RNF217: variants seen among roughly 807,000 people sequenced by gnomAD.
RNF217 encodes ring finger protein 217.
Under a neutral mutation model 57.8 loss-of-function variants are expected in RNF217, and 31 were observed. The ratio of observed to expected loss-of-function variants is 0.54; its 90% confidence interval spans 0.40 to 0.72. The LOEUF (loss-of-function observed/expected upper bound fraction) is 0.72. RNF217 is among the 30% of genes least tolerant of loss of function. RNF217 has a pLI of 0.00. For synonymous variants in RNF217, 313 were observed against 294.0 expected (o/e 1.06, Z -0.66); for missense variants, 696 against 708.3 (o/e 0.98, Z 0.20).
Position 125,083,478 on chromosome 6 carries a change from A to G in RNF217, c.*541A>G, listed in dbSNP as rs929898783. 6.6e-6 allele frequency: 1 copy of G among 152,198 alleles called. No individual in the cohort carries two copies. Among genetic ancestry groups the G allele is most frequent in the South Asian group, 2.1e-4 (1 of 4,832 alleles). 9.4% of individuals were successfully genotyped at this position (152,198 alleles called of 1,614,324 possible). A position where few individuals can be genotyped will look rare whatever the true frequency, so the allele number is the denominator to read the frequency against. ...ATAATTGCAAAAAATCTCAATGTCCAAAAGGGAATGAGTGAAACTAAATTA... is the reference window on the plus strand; with the variant it reads ...ATAATTGCAAAAAATCTCAATGTCCGAAAGGGAATGAGTGAAACTAAATTA... On this transcript the variant is annotated 3_prime_UTR_variant, in exon 6 of 6. Coordinates refer to ENST00000521654, the MANE Select transcript of RNF217 (RefSeq NM_001286398.3).
At chr6:125,050,637 T>G (rs1787277650) in intron 2 of RNF217, among the ~76,000 whole-genome samples, 1 of 151,972 alleles carries the variant, frequency 6.6e-6, no homozygotes, top group African/African-American at 2.4e-5. Flanking sequence ...AAAGATAACT[T>G]GAGAACTGTT....
chr6:125,019,459 G>C (rs1773127077), intron 1 of RNF217, among the ~76,000 whole-genome samples: 1 of 152,174 alleles, frequency 6.6e-6, no homozygotes, highest in Non-Finnish European at 1.5e-5. Flanking sequence ...GACTATATAA[G>C]CAACACTTTT....
intron 1 of RNF217, among the ~76,000 whole-genome samples, chr6:125,030,415 C>T (rs1228369129): frequency 6.6e-6 from 1 of 152,152 alleles, no homozygotes; most frequent in Non-Finnish European, 1.5e-5. Flanking sequence ...AGGCAACTCC[C>T]TTCCTCCTAA....
intron 1 of RNF217, among the ~76,000 whole-genome samples, chr6:124,966,627 C>G (rs1045236531): frequency 6.6e-6 from 1 of 152,142 alleles, no homozygotes; most frequent in African/African-American, 2.4e-5. Flanking sequence ...AAAAGAGTCC[C>G]TATTAAACAT....
chr6:125,081,404 C>T, intron 4 of RNF217, 32 bp from the exon 5 acceptor site: 8 of 1,553,256 alleles, frequency 5.2e-6, no homozygotes, highest in Non-Finnish European at 7.1e-6. Flanking sequence ...AGTTTTAAGA[C>T]TCCTTAAATA....
chr6:124,972,464 G>A (rs186160272), intron 1 of RNF217, among the ~76,000 whole-genome samples: 194 of 152,174 alleles, frequency 1.3e-3, no homozygotes, highest in Non-Finnish European at 2.1e-3. Context: ...CTCCTTCTTA[G>A]CCTTTCAACA....
intron 3 of RNF217, among the ~76,000 whole-genome samples, chr6:125,075,657 T>C (rs1788336057): frequency 6.6e-6 from 1 of 152,158 alleles, no homozygotes; most frequent in Non-Finnish European, 1.5e-5. Flanking sequence ...TAGGTGGGAA[T>C]ACAGAGCCAA....
intron 1 of RNF217, among the ~76,000 whole-genome samples, chr6:124,989,801 A>G (rs536179612): frequency 6.6e-6 from 1 of 151,186 alleles, no homozygotes; most frequent in South Asian, 2.1e-4. Flanking sequence ...GTCCTATATT[A>G]TTGATTTTTC....
In RNF217 at chr6:124,963,163, C is replaced by T. The variant is rs1213393608; in HGVS notation, c.619C>T (p.Pro207Ser). 1.3e-6 allele frequency: 2 copies of T among 1,535,304 alleles called. No individual in the cohort carries two copies. The highest frequency in any genetic ancestry group is 1.4e-5 in the African/African-American group (1 of 73,058). ...PPSTRSSFPS[P>S]RLSLPTDSLS... The stretch of plus-strand genomic sequence containing the variant: ...CAGCACCCGCTCTTCCTTCCCCAGC[C>T]CCCGACTGTCCCTCCCAACGGATTC... The change falls in exon 1 of 6, where the codon CCC becomes TCC. Residue 207 changes from proline (P) to serine (S), a missense_variant. This residue lies in a region of RNF217 where 465 missense variants were observed against 386.8 expected (regional missense o/e 1.20). Coordinates refer to ENST00000521654, the MANE Select transcript of RNF217 (RefSeq NM_001286398.3).
Position 124,962,457 on chromosome 6 carries a change from A to G in RNF217, c.-88A>G. On this transcript the variant is annotated 5_prime_UTR_variant, in exon 1 of 6. Coordinates refer to ENST00000521654, the MANE Select transcript of RNF217 (RefSeq NM_001286398.3). The surrounding 1 kb of genome is among the most constrained non-coding windows in gnomAD (Gnocchi z 4.6). The stretch of plus-strand genomic sequence containing the variant: ...GAAGCAGAAGCGGAGCCGCGAGTCG[A>G]GCCGAGCCACTGCCCCCGCTGCCCG... 1 of 491,494 alleles carries G rather than the reference A, an allele frequency of 2.0e-6. No homozygotes were observed. The highest frequency in any genetic ancestry group is 2.8e-6 in the Non-Finnish European group (1 of 352,592). The allele number at this position is 491,494 out of a possible 1,614,324, so 30.4% of individuals were successfully genotyped here.
Position 125,000,504 on chromosome 6 carries a change from G to GA in RNF217, c.882+37084dup, listed in dbSNP as rs540950414. On this transcript the variant is annotated intron_variant, in intron 1 of 5. Transcript: ENST00000521654. ...TTTATATGATATAATATTCTATAAA[G>GA]AAAAAATTATTATTTTTTGAAAACA... Among the ~76,000 whole-genome samples, 13 of 151,862 alleles carry GA rather than the reference G, an allele frequency of 8.6e-5. No individual in the cohort carries two copies. The South Asian group carries it at 2.3e-3, about 27-fold the overall frequency.
At chr6:125,030,080 A>C (rs1269026046) in intron 1 of RNF217, among the ~76,000 whole-genome samples, 1 of 152,170 alleles carries the variant, frequency 6.6e-6, no homozygotes, top group Non-Finnish European at 1.5e-5. Flanking sequence ...AATGAAGAAG[A>C]AGCAAAAGCA....
chr6:124,990,611 T>A (rs1784524186), intron 1 of RNF217, among the ~76,000 whole-genome samples: 1 of 152,204 alleles, frequency 6.6e-6, no homozygotes, highest in African/African-American at 2.4e-5. Context: ...TTTTCATGTG[T>A]GATTGTTAGA....
intron 2 of RNF217, among the ~76,000 whole-genome samples, chr6:125,052,960 G>A (rs1175739540): frequency 1.3e-5 from 2 of 152,038 alleles, no homozygotes; most frequent in Non-Finnish European, 2.9e-5. Context: ...ACTTAGCAAG[G>A]ATCAGGGTTG....
At chr6:125,080,274 A>C (rs2114652612) in intron 4 of RNF217, among the ~76,000 whole-genome samples, 1 of 152,162 alleles carries the variant, frequency 6.6e-6, no homozygotes, top group South Asian at 2.1e-4. Context: ...TATAAATAAA[A>C]CCCATATCTA....
chr6:125,050,393 G>GA (rs1472512796), intron 2 of RNF217, among the ~76,000 whole-genome samples: 2 of 151,958 alleles, frequency 1.3e-5, no homozygotes, highest in Non-Finnish European at 2.9e-5. Flanking sequence ...CCAGGTGAAA[G>GA]AAAAAAGCCA....
rs563821619 is a variant in RNF217 at position 124,965,639 on chromosome 6, G to T, written c.882+2213G>T. Among the ~76,000 whole-genome samples, 12 of 150,026 alleles carry T rather than the reference G, an allele frequency of 8.0e-5. No homozygotes were observed. The South Asian group carries it at 2.1e-3, about 26-fold the overall frequency. On this transcript the variant is annotated intron_variant, in intron 1 of 5. Coordinates refer to ENST00000521654, the MANE Select transcript of RNF217 (RefSeq NM_001286398.3). ...AACAAAAAGATGAGTCATAGATACCGGGCATGCTTTCACCTCAGGGCTTTT... is the reference window on the plus strand; with the variant it reads ...AACAAAAAGATGAGTCATAGATACCTGGCATGCTTTCACCTCAGGGCTTTT...
At chr6:124,992,232 C>T (rs1465982592) in intron 1 of RNF217, among the ~76,000 whole-genome samples, 1 of 152,096 alleles carries the variant, frequency 6.6e-6, no homozygotes, top group African/African-American at 2.4e-5. Context: ...TTAAGTAGGA[C>T]ATGTATTCAT....
In RNF217 at chr6:125,090,111, C is replaced by T. The variant is rs1253447139; in HGVS notation, c.*7174C>T. ...TCATTTTCATCACAATTGCAATCCTCTAGAGGGTATTTTAAAAAGTAGACC... is the reference window on the plus strand; with the variant it reads ...TCATTTTCATCACAATTGCAATCCTTTAGAGGGTATTTTAAAAAGTAGACC... On this transcript the variant is annotated 3_prime_UTR_variant, in exon 6 of 6. Transcript: ENST00000521654. 1 of 151,924 alleles carries T rather than the reference C, an allele frequency of 6.6e-6. No homozygotes were observed. The highest frequency in any genetic ancestry group is 1.5e-5 in the Non-Finnish European group (1 of 67,974). The allele number at this position is 151,924 out of a possible 1,614,324, so 9.4% of individuals were successfully genotyped here.
Sources: gnomAD v4.1 joint callset for allele counts (sites outside exome capture counted in the v4.1 genomes callset) on GRCh38, gnomAD v4.1.1 for gene constraint, gnomAD v4.1.1 regional missense constraint, Gnocchi (gnomAD v3.1) non-coding constraint, MANE v1.5 for transcripts, NCBI Gene and HGNC (gene_info 2026-07-23, HGNC 2026-07-21) for gene names.